The following ZNF516 variants were observed in gnomAD, a reference collection of about 807,000 sequenced individuals.
ZNF516 encodes the protein zinc finger protein 516.
A neutral mutation model predicts 79.7 loss-of-function variants in ZNF516; 19 were observed. The ratio of observed to expected loss-of-function variants is 0.24; its 90% CI spans 0.17 to 0.35. The LOEUF (loss-of-function observed/expected upper bound fraction) is 0.35, where lower values mean the gene tolerates loss of function less well. ZNF516 is among the 10% of genes least tolerant of loss of function. ZNF516 has a pLI of 1.00. For missense variants in ZNF516, 1,678 were observed against 1,679.5 expected, an observed-to-expected ratio of 1.00 and a Z score of 0.02; for synonymous variants, 877 against 739.5, an observed-to-expected ratio of 1.19 and a Z score of -3.02.
chr18:76,427,081 G>A (rs1372932767), intron 3 of ZNF516, among the ~76,000 whole-genome samples: 2 of 152,220 alleles, frequency 1.3e-5, no homozygotes, highest in Non-Finnish European at 2.9e-5. Flanking sequence ...CTGAGAGAGA[G>A]AACGGGCACA....
rs193301199 is a variant in ZNF516 at position 76,489,417 on chromosome 18, A to G, written c.-272+5727T>C. Among the ~76,000 whole-genome samples the G allele has an allele frequency of 3.8e-4, 58 of 152,288 alleles. No individual in the cohort carries two copies. The East Asian group carries it at 0.011, about 28-fold the overall frequency. ...ACGTTGCTAAACTTAATCACATCAA[A>G]TGCTTCACTTATAAAACTCAAATAT... On this transcript the variant is annotated intron_variant, in intron 1 of 6. Coordinates refer to ENST00000443185, the MANE Select transcript of ZNF516 (RefSeq NM_014643.4).
intron 1 of ZNF516, among the ~76,000 whole-genome samples, chr18:76,484,378 T>A (rs751371463): frequency 4.6e-5 from 7 of 152,082 alleles, no homozygotes; most frequent in Non-Finnish European, 8.8e-5. Context: ...ATACAAATAA[T>A]GTAAGTTTAC....
chr18:76,440,781 T>C (rs1302173030), intron 3 of ZNF516, among the ~76,000 whole-genome samples: 3 of 145,254 alleles, frequency 2.1e-5, no homozygotes, highest in African/African-American at 8.0e-5. Context: ...CGCGCATGCA[T>C]CGTATGGTGA....
At chr18:76,374,525 C>A (rs1481443277) in intron 4 of ZNF516, among the ~76,000 whole-genome samples, 2 of 152,248 alleles carry the variant, frequency 1.3e-5, no homozygotes, top group East Asian at 3.9e-4. Context: ...CATGTGGGGG[C>A]GGGGAAGTCT....
At chr18:76,437,863 G>A (rs1009482804) in intron 3 of ZNF516, among the ~76,000 whole-genome samples, 2 of 152,124 alleles carry the variant, frequency 1.3e-5, no homozygotes, top group African/African-American at 4.8e-5. Flanking sequence ...CCAAAGATGT[G>A]GAATCCACGG....
intron 6 of ZNF516, among the ~76,000 whole-genome samples, chr18:76,369,248 G>A (rs1433165194): frequency 6.6e-6 from 1 of 152,196 alleles, no homozygotes; most frequent in Non-Finnish European, 1.5e-5. Flanking sequence ...TCAGCAAGAT[G>A]TTTTACTTAC....
intron 2 of ZNF516, among the ~76,000 whole-genome samples, chr18:76,450,123 G>C (rs1234272905): frequency 7.6e-6 from 1 of 131,824 alleles, no homozygotes; most frequent in Non-Finnish European, 1.6e-5. Flanking sequence ...TTTTACCAAA[G>C]AGAAAGAGAG....
chr18:76,423,856 C>CT (rs2075547972), intron 3 of ZNF516, among the ~76,000 whole-genome samples: 1 of 146,916 alleles, frequency 6.8e-6, no homozygotes, highest in African/African-American at 2.5e-5. Context: ...AAAAGGCTCC[C>CT]CCAAAACACA....
chr18:76,407,885 C>T (rs1485583613), intron 3 of ZNF516, among the ~76,000 whole-genome samples: 1 of 152,230 alleles, frequency 6.6e-6, no homozygotes, highest in Non-Finnish European at 1.5e-5. Flanking sequence ...CTCTGAGCTG[C>T]AGCCCAGCCA....
At chr18:76,410,018 A>G (rs2075355113) in intron 3 of ZNF516, among the ~76,000 whole-genome samples, 2 of 152,120 alleles carry the variant, frequency 1.3e-5, no homozygotes, top group Admixed American at 6.5e-5. Context: ...TCTCTTGCCC[A>G]CCGCCATGTA....
chr18:76,476,490 T>A (rs892019556), intron 1 of ZNF516, among the ~76,000 whole-genome samples: 1 of 152,212 alleles, frequency 6.6e-6, no homozygotes, highest in East Asian at 1.9e-4. Flanking sequence ...AGTGTCCACA[T>A]CCAGGAGTTG....
At chr18:76,374,879 C>T (rs2074762133) in intron 4 of ZNF516, among the ~76,000 whole-genome samples, 2 of 152,120 alleles carry the variant, frequency 1.3e-5, no homozygotes. Flanking sequence ...AGCAGAGATA[C>T]ACTTGTATAA....
intron 3 of ZNF516, among the ~76,000 whole-genome samples, chr18:76,425,532 T>C (rs912755226): frequency 1.6e-4 from 24 of 152,150 alleles, no homozygotes; most frequent in African/African-American, 5.3e-4. Flanking sequence ...CTTGTGAAAA[T>C]CACAGGCCAC....
chr18:76,493,141 TA>T lies in ZNF516; in HGVS notation c.-272+2002del. ...TCCTCCCTACCGTTTCATTTAATGGTAAAACAACAGCAGAGCTCTGAAAGTT... is the reference window on the plus strand; with the variant it reads ...TCCTCCCTACCGTTTCATTTAATGGTAAACAACAGCAGAGCTCTGAAAGTT... On this transcript the variant is annotated intron_variant, in intron 1 of 6. Coordinates refer to ENST00000443185, the MANE Select transcript of ZNF516 (RefSeq NM_014643.4). The surrounding 1 kb of genome is among the most constrained non-coding windows in gnomAD (Gnocchi z 5.2). 2 of 985,048 alleles carry T rather than the reference TA, an allele frequency of 2.0e-6. No individual in the cohort carries two copies. Among genetic ancestry groups the T allele is most frequent in the Non-Finnish European group, 2.4e-6 (2 of 829,814 alleles). The allele number at this position is 985,048 out of a possible 1,614,324, so 61.0% of individuals were successfully genotyped here. A position where few individuals can be genotyped will look rare whatever the true frequency, so the allele number is the denominator to read the frequency against.
In ZNF516 at chr18:76,442,069, G is replaced by A; in HGVS notation, c.986C>T (p.Ala329Val). Residue 329 changes from alanine to valine, a missense_variant, in exon 3 of 7, where the codon GCC (alanine) becomes GTC (valine). Ala to Val is a moderately conservative substitution (Grantham distance 64). Around this residue, in one of 5 missense-constraint regions of ZNF516, gnomAD observed 1,294 missense variants for 1,248.3 expected, o/e 1.04. Transcript: ENST00000443185. ...NNVVQEEVIVAGLSLYEVCAK... is the reference protein window; with the variant it reads ...NNVVQEEVIVVGLSLYEVCAK... ...GCAGACCTCGTAGAGGCTCAGGCCGGCGACGATCACCTCCTCCTGGACCAC... is the reference window on the plus strand; with the variant it reads ...GCAGACCTCGTAGAGGCTCAGGCCGACGACGATCACCTCCTCCTGGACCAC... 6.2e-7 allele frequency: 1 copy of A among 1,614,010 alleles called. No individual in the cohort carries two copies. The highest frequency in any genetic ancestry group is 8.5e-7 in the Non-Finnish European group (1 of 1,179,898).
At chr18:76,484,418 T>C (rs1275370343) in intron 1 of ZNF516, among the ~76,000 whole-genome samples, 2 of 152,086 alleles carry the variant, frequency 1.3e-5, no homozygotes, top group Non-Finnish European at 2.9e-5. Flanking sequence ...CGAAAGCAAA[T>C]GCTTTCCTTC....
At chr18:76,395,066 G>C (rs1214385101) in intron 3 of ZNF516, among the ~76,000 whole-genome samples, 1 of 152,174 alleles carries the variant, frequency 6.6e-6, no homozygotes, top group Non-Finnish European at 1.5e-5. Context: ...CTCAGGCCAG[G>C]CAGGAATATT....
intron 5 of ZNF516, 32 bp from the exon 6 acceptor site, chr18:76,370,627 G>C (rs1247317737): frequency 1.3e-6 from 2 of 1,559,194 alleles, no homozygotes; most frequent in African/African-American, 2.7e-5. Context: ...TAACAGATCA[G>C]CGTGTGAGCT....
At chr18:76,471,429 CAT>C (rs986624621) in intron 1 of ZNF516, among the ~76,000 whole-genome samples, 31 of 152,152 alleles carry the variant, frequency 2.0e-4, no homozygotes, top group Admixed American at 1.8e-3. Flanking sequence ...TCTGGTCAGA[CAT>C]GTGGCCTTAG....
Sources: gnomAD v4.1 joint callset for allele counts (sites outside exome capture counted in the v4.1 genomes callset) on GRCh38, gnomAD v4.1.1 for gene constraint, gnomAD v4.1.1 regional missense constraint, Gnocchi (gnomAD v3.1) non-coding constraint, MANE v1.5 for transcripts, NCBI Gene and HGNC (gene_info 2026-07-23, HGNC 2026-07-21) for gene names.